LRIG3: variants seen among roughly 807,000 people sequenced by gnomAD.
LRIG3 encodes leucine rich repeats and immunoglobulin like domains 3.
A neutral mutation model predicts 114.5 loss-of-function variants in LRIG3; 76 were observed. That is an observed-to-expected ratio of 0.66 (90% CI 0.55 to 0.80). LRIG3 has a LOEUF of 0.80. Ranked by LOEUF, LRIG3 falls within the 30% of genes least tolerant of loss-of-function variation. The pLI is 0.00. For synonymous variants in LRIG3, 512 were observed against 519.8 expected (o/e 0.98, Z 0.20); for missense variants, 1,239 against 1,382.8 (o/e 0.90, Z 1.65).
Position 58,877,733 on chromosome 12 carries a change from T to C in LRIG3, c.2203A>G (p.Ser735Gly), listed in dbSNP as rs759077906. The C allele has an allele frequency of 5.0e-6, 8 of 1,614,228 alleles. No individual in the cohort carries two copies. Among genetic ancestry groups the C allele is most frequent in the Non-Finnish European group, 5.9e-6 (7 of 1,180,034 alleles). ...PPKLNWTKDDSPLVVTERHFF... is the reference protein window; with the variant it reads ...PPKLNWTKDDGPLVVTERHFF... ...TGCCTCTCGGTTACCACCAATGGGC[T>C]ATCATCTTTGGTCCAGTTCAGTTTA... Residue 735 changes from serine (S) to glycine (G), a missense_variant, in exon 15 of 19, where the codon AGC becomes GGC. Transcript: ENST00000320743.
rs1231643795 is a variant in LRIG3 at position 58,888,345 on chromosome 12, G to C, written c.931C>G (p.Gln311Glu). ...RISPDAWEFC[Q>E]KLSELDLTFN... Reference sequence around the variant, plus strand: ...GCAACTCACAGCTCACTGAGCTTCTGGCAGAACTCCCAGGCATCAGGGCTG... The same window carrying C: ...GCAACTCACAGCTCACTGAGCTTCTCGCAGAACTCCCAGGCATCAGGGCTG... The change falls in exon 7 of 19, where the codon CAG becomes GAG. Residue 311 changes from glutamine (Q) to glutamate (E), a missense_variant. Physicochemically the swap from Gln to Glu is conservative, Grantham distance 29. Transcript: ENST00000320743. 4 of 1,613,302 alleles carry C rather than the reference G, an allele frequency of 2.5e-6. No individual in the cohort carries two copies. Among genetic ancestry groups the C allele is most frequent in the Admixed American group, 1.7e-5 (1 of 59,970 alleles).
intron 18 of LRIG3, 63 bp from the exon 19 acceptor site, chr12:58,872,879 C>A: frequency 1.9e-6 from 3 of 1,553,380 alleles, no homozygotes; most frequent in South Asian, 1.2e-5. Flanking sequence ...CAATAAAACC[C>A]ATTGCAAATG....
At chr12:58,905,548 G>A (rs1872030920) in intron 3 of LRIG3, among the ~76,000 whole-genome samples, 1 of 152,150 alleles carries the variant, frequency 6.6e-6, no homozygotes, top group South Asian at 2.1e-4. Context: ...GTTTTAACAT[G>A]TGTCCTCTCC....
chr12:58,919,881 G>T, intron 1 of LRIG3, 119 bp downstream of exon 1: 2 of 1,047,008 alleles, frequency 1.9e-6, no homozygotes, highest in Non-Finnish European at 2.8e-6. Context: ...CGCGGCCTGG[G>T]CCAGAAGGAG....
intron 3 of LRIG3, among the ~76,000 whole-genome samples, chr12:58,906,271 C>T (rs61314000): frequency 0.039 from 5,943 of 152,194 alleles, 382 homozygotes; most frequent in African/African-American, 0.14. Context: ...ATAAAAGTTC[C>T]CTTTTTTTAA....
chr12:58,877,470 C>A lies in LRIG3; in HGVS notation c.2466G>T (p.Thr822=), dbSNP rs754854398. Residue 822 remains threonine, a synonymous_variant, in exon 15 of 19, where the codon ACG becomes ACT. Transcript: ENST00000320743. ...ATATGATGACCACCCACACGAGTGA[C>A]GTGCCCACCACACAGCAAACCACGG... ...IIAVVCCVVG[T]SLVWVVIIYH... 4 of 1,614,192 alleles carry A rather than the reference C, an allele frequency of 2.5e-6. No homozygotes were observed. The highest frequency in any genetic ancestry group is 3.4e-6 in the Non-Finnish European group (4 of 1,180,030).
At chr12:58,910,347 C>A (rs1001720136) in intron 3 of LRIG3, among the ~76,000 whole-genome samples, 3 of 152,214 alleles carry the variant, frequency 2.0e-5, no homozygotes, top group Non-Finnish European at 4.4e-5. Context: ...CGGTGGCTCA[C>A]GCCTTTAATC....
intron 4 of LRIG3, 99 bp downstream of exon 4, chr12:58,890,566 C>T (rs1402914534): frequency 8.9e-7 from 1 of 1,120,822 alleles, no homozygotes; most frequent in Non-Finnish European, 1.2e-6. Flanking sequence ...TACTTTCAAT[C>T]CATCAGTAGT....
chr12:58,887,804 G>T lies in LRIG3; in HGVS notation c.1076C>A (p.Ser359Tyr). ...YIADCAFRGLSSLKTLDLKNN... is the reference protein window; with the variant it reads ...YIADCAFRGLYSLKTLDLKNN... ...TGTAACTTACAAAGTCTTTAAACTG[G>T]AAAGCCCCCGGAAGGCACAATCAGC... is the stretch of plus-strand genomic sequence containing the variant. The change falls in exon 8 of 19, where the codon TCC becomes TAC. Residue 359 changes from serine (S) to tyrosine (Y), a missense_variant. Ser to Tyr is a moderately radical substitution (Grantham distance 144, BLOSUM62 -2). Transcript: ENST00000320743. The T allele has an allele frequency of 6.2e-7, 1 of 1,613,526 alleles. No individual in the cohort carries two copies. The highest frequency in any genetic ancestry group is 8.5e-7 in the Non-Finnish European group (1 of 1,179,652).
At chr12:58,899,846 T>C (rs1055123925) in intron 3 of LRIG3, among the ~76,000 whole-genome samples, 1 of 152,176 alleles carries the variant, frequency 6.6e-6, no homozygotes, top group African/African-American at 2.4e-5. Context: ...TAGGACAAAA[T>C]GGCCACATGT....
Position 58,887,779 on chromosome 12 carries a change from T to TAC in LRIG3, c.1091+9_1091+10insGT, listed in dbSNP as rs1871323001. 8 of 1,612,310 alleles carry TAC rather than the reference T, an allele frequency of 5.0e-6. No homozygotes were observed. Among genetic ancestry groups the TAC allele is most frequent in the Non-Finnish European group, 5.9e-6 (7 of 1,179,024 alleles). Reference sequence around the variant, plus strand: ...ACGTTCGAGTACTGACAGCAAAACGTGTAACTTACAAAGTCTTTAAACTGG... The same window carrying TAC: ...ACGTTCGAGTACTGACAGCAAAACGTACGTAACTTACAAAGTCTTTAAACTGG... On this transcript the variant is annotated intron_variant, in intron 8 of 18. Transcript: ENST00000320743.
At chr12:58,880,015 G>A (rs1871065437) in intron 13 of LRIG3, among the ~76,000 whole-genome samples, 1 of 152,282 alleles carries the variant, frequency 6.6e-6, no homozygotes, top group South Asian at 2.1e-4. Flanking sequence ...AAACATTGCT[G>A]GGCACGGTGG....
intron 15 of LRIG3, 68 bp downstream of exon 15, chr12:58,877,332 T>C: frequency 6.7e-7 from 1 of 1,484,484 alleles, no homozygotes; most frequent in South Asian, 1.2e-5. Flanking sequence ...ACACACGTTC[T>C]AGAAGTATTT....
chr12:58,891,619 G>C (rs1006548916), intron 3 of LRIG3, among the ~76,000 whole-genome samples: 3 of 152,052 alleles, frequency 2.0e-5, no homozygotes, highest in African/African-American at 4.8e-5. Flanking sequence ...CTAGAACCAT[G>C]CTAGAGAGAT....
intron 13 of LRIG3, 75 bp downstream of exon 13, chr12:58,880,506 T>C (rs775543546): frequency 2.4e-5 from 34 of 1,428,124 alleles, no homozygotes; most frequent in African/African-American, 5.7e-5. Flanking sequence ...AGGGTTAAGA[T>C]TAAGAGAGAA....
At position 58,874,125 on chromosome 12, in the gene LRIG3, T is replaced by G; in HGVS notation, c.3045A>C (p.Leu1015=). ...CACTAAAATCTAAAGAGGACTTGTT[T>G]AGACACAGATTTTTCATTCCAGGTC... is the stretch of plus-strand genomic sequence containing the variant. ...NEGPGMKNLC[L]NKSSLDFSAN... Residue 1015 remains leucine, a synonymous_variant, in exon 18 of 19, where the codon CTA becomes CTC. Transcript: ENST00000320743. The G allele has an allele frequency of 6.2e-7, 1 of 1,614,214 alleles. No individual in the cohort carries two copies. Among genetic ancestry groups the G allele is most frequent in the Non-Finnish European group, 8.5e-7 (1 of 1,180,028 alleles).
intron 12 of LRIG3, among the ~76,000 whole-genome samples, chr12:58,881,938 A>C (rs10506359): frequency 0.045 from 6,910 of 152,288 alleles, 295 homozygotes; most frequent in African/African-American, 0.11. Flanking sequence ...GGACTAAAAA[A>C]CTATGAAACA....
In LRIG3 at chr12:58,919,907, G is replaced by A. The variant is rs1266721247; in HGVS notation, c.236+93C>T. The A allele has an allele frequency of 2.0e-5, 25 of 1,251,180 alleles. No individual in the cohort carries two copies. The East Asian group carries it at 3.6e-4, about 18-fold the overall frequency. 77.5% of individuals were successfully genotyped at this position (1,251,180 alleles called of 1,614,324 possible). On this transcript the variant is annotated intron_variant, in intron 1 of 18. Coordinates refer to ENST00000320743, the MANE Select transcript of LRIG3 (RefSeq NM_153377.5). ...CCAGAAGGAGCTATACGGCAAAAAG[G>A]GGACTGCACGCCGAACCCCATTCCC...
In LRIG3 at chr12:58,877,544, G is replaced by C. The variant is rs1870965943; in HGVS notation, c.2392C>G (p.Pro798Ala). Residue 798 changes from proline (P) to alanine (A), a missense_variant, in exon 15 of 19, where the codon CCA becomes GCA. Physicochemically the swap from Pro to Ala is conservative, Grantham distance 27. Transcript: ENST00000320743. The part of the protein sequence containing the change: ...PTCDSPQMTA[P>A]SLDDDGWATV... ...GCCCATCCGTCATCGTCTAACGATG[G>C]GGCTGTCATCTGAGGGGAGTCGCAG... 6.2e-7 allele frequency: 1 copy of C among 1,614,090 alleles called. No individual in the cohort carries two copies. Among genetic ancestry groups the C allele is most frequent in the South Asian group, 1.1e-5 (1 of 91,092 alleles).
Sources: gnomAD v4.1 joint callset for allele counts (sites outside exome capture counted in the v4.1 genomes callset) on GRCh38, gnomAD v4.1.1 for gene constraint, MANE v1.5 for transcripts, NCBI Gene and HGNC (gene_info 2026-07-23, HGNC 2026-07-21) for gene names.